The following SLC9A9 variants were observed in gnomAD, a reference collection of about 807,000 sequenced individuals.
SLC9A9 encodes sodium/hydrogen exchanger 9.
SLC9A9 carries 62 observed loss-of-function variants against 77.8 expected under a neutral mutation model. The observed-to-expected ratio is 0.80, with a 90% CI of 0.65 to 0.98. SLC9A9 has a LOEUF of 0.98. Ranked by LOEUF, SLC9A9 falls within the 50% of genes least tolerant of loss-of-function variation. The pLI, the probability that SLC9A9 is intolerant of heterozygous loss-of-function variation, is 0.00. For missense variants in SLC9A9, 775 were observed against 774.9 expected (o/e 1.00, Z 0.00); for synonymous variants, 320 against 283.5 (o/e 1.13, Z -1.29).
intron 11 of SLC9A9, among the ~76,000 whole-genome samples, chr3:143,490,773 G>T (rs919632974): frequency 6.6e-6 from 1 of 152,130 alleles, no homozygotes; most frequent in African/African-American, 2.4e-5. Context: ...CAATGAAAGG[G>T]CTCAGGAAGG....
At chr3:143,382,357 T>C (rs1226085719) in intron 12 of SLC9A9, among the ~76,000 whole-genome samples, 2 of 152,184 alleles carry the variant, frequency 1.3e-5, no homozygotes. Context: ...CTGTCGTTCC[T>C]GGCAAGGTAA....
At chr3:143,552,797 G>A (rs748032092) in intron 8 of SLC9A9, among the ~76,000 whole-genome samples, 80 of 152,262 alleles carry the variant, frequency 5.3e-4, no homozygotes, top group Non-Finnish European at 9.3e-4. Flanking sequence ...TTCATAGCCA[G>A]TGCCAACTAC....
intron 4 of SLC9A9, among the ~76,000 whole-genome samples, chr3:143,762,322 C>T (rs975910190): frequency 2.6e-5 from 4 of 152,162 alleles, no homozygotes; most frequent in Admixed American, 2.6e-4. Flanking sequence ...CACATGTACC[C>T]TAGAACTTAA....
At chr3:143,495,071 C>T (rs1243051117) in intron 10 of SLC9A9, among the ~76,000 whole-genome samples, 2 of 152,068 alleles carry the variant, frequency 1.3e-5, no homozygotes, top group African/African-American at 4.8e-5. Context: ...ATTTTGAATG[C>T]TTGAAAAATA....
intron 14 of SLC9A9, among the ~76,000 whole-genome samples, chr3:143,352,353 C>A (rs78855705): frequency 6.6e-6 from 1 of 152,296 alleles, no homozygotes; most frequent in East Asian, 1.9e-4. Context: ...TGCTTAGCAG[C>A]CTGCATGAGC....
chr3:143,689,251 C>T (rs909405040), intron 5 of SLC9A9, among the ~76,000 whole-genome samples: 4 of 152,036 alleles, frequency 2.6e-5, no homozygotes, highest in African/African-American at 9.7e-5. Flanking sequence ...AGAAATGTCT[C>T]CCAAAGAAAC....
intron 14 of SLC9A9, among the ~76,000 whole-genome samples, chr3:143,302,130 A>G (rs530005315): frequency 2.6e-5 from 4 of 152,310 alleles, no homozygotes; most frequent in East Asian, 3.9e-4. Context: ...ACAGCGGGCC[A>G]GGAATCTTTT....
intron 4 of SLC9A9, among the ~76,000 whole-genome samples, chr3:143,778,141 A>T (rs1020646140): frequency 6.6e-6 from 1 of 151,448 alleles, no homozygotes. Flanking sequence ...GATTTCAATC[A>T]CTGTGTATGT....
intron 13 of SLC9A9, among the ~76,000 whole-genome samples, chr3:143,376,118 A>T (rs2033176028): frequency 6.6e-6 from 1 of 151,786 alleles, no homozygotes; most frequent in African/African-American, 2.4e-5. Flanking sequence ...GTAGGAAAAG[A>T]CCTCCTAGAC....
At chr3:143,334,041 A>G (rs2031854574) in intron 14 of SLC9A9, among the ~76,000 whole-genome samples, 2 of 152,244 alleles carry the variant, frequency 1.3e-5, no homozygotes, top group Admixed American at 1.3e-4. Context: ...ATCTGCTACA[A>G]TTGGTACAAA....
In SLC9A9 at chr3:143,558,085, T is replaced by C. The variant is rs140781735; in HGVS notation, c.1001-5635A>G. Among the ~76,000 whole-genome samples, 283 of 152,332 alleles carry C rather than the reference T, an allele frequency of 1.9e-3. 1 individual carries two copies. The highest frequency in any genetic ancestry group is 6.5e-3 in the African/African-American group (270 of 41,590). ...TGCTCTGTGCAGCCTCAGGACATGG[T>C]GCCCTGTGTCCCAACTGCTTTAGCT... On this transcript the variant is annotated intron_variant, in intron 8 of 15. Coordinates refer to ENST00000316549, the MANE Select transcript of SLC9A9 (RefSeq NM_173653.4).
At chr3:143,299,114 T>C (rs1287093274) in intron 14 of SLC9A9, among the ~76,000 whole-genome samples, 2 of 152,196 alleles carry the variant, frequency 1.3e-5, no homozygotes, top group African/African-American at 4.8e-5. Flanking sequence ...ACATTTTTAC[T>C]GCCCAAGCAG....
chr3:143,328,583 G>T, intron 14 of SLC9A9, among the ~76,000 whole-genome samples: 1 of 152,178 alleles, frequency 6.6e-6, no homozygotes. Flanking sequence ...AAAGCCCAGT[G>T]CAATGCCATC....
chr3:143,327,094 A>G (rs922669809), intron 14 of SLC9A9, among the ~76,000 whole-genome samples: 2 of 149,390 alleles, frequency 1.3e-5, no homozygotes, highest in Admixed American at 6.6e-5. Flanking sequence ...CAGCCAGGAG[A>G]CGGAAACATA....
intron 12 of SLC9A9, among the ~76,000 whole-genome samples, chr3:143,390,409 C>T (rs975581203): frequency 3.3e-5 from 5 of 152,134 alleles, no homozygotes; most frequent in African/African-American, 1.2e-4. Context: ...TTCCACAAAA[C>T]GGAGATAGGA....
At chr3:143,808,769 A>C (rs1177062348) in intron 2 of SLC9A9, among the ~76,000 whole-genome samples, 1 of 152,172 alleles carries the variant, frequency 6.6e-6, no homozygotes, top group Non-Finnish European at 1.5e-5. Flanking sequence ...TTTACAATGG[A>C]CATAATAGTG....
chr3:143,795,072 G>T lies in SLC9A9; in HGVS notation c.462C>A (p.His154Gln). ...AAATAGATCCTAAGTTTTGAAAAAAGTGTCTCTGGGGAGAAAAAAAGATAT... is the reference window on the plus strand; with the variant it reads ...AAATAGATCCTAAGTTTTGAAAAAATTGTCTCTGGGGAGAAAAAAAGATAT... ...FHAGYSLKKR[H>Q]FFQNLGSILT... The change falls in exon 4 of 16, where the codon CAC becomes CAA. Residue 154 changes from histidine (H) to glutamine (Q), a missense_variant. Transcript: ENST00000316549. The T allele has an allele frequency of 6.2e-7, 1 of 1,612,928 alleles. No homozygotes were observed. Among genetic ancestry groups the T allele is most frequent in the Admixed American group, 1.7e-5 (1 of 59,996 alleles).
At chr3:143,329,045 T>A (rs901863123) in intron 14 of SLC9A9, among the ~76,000 whole-genome samples, 14 of 152,176 alleles carry the variant, frequency 9.2e-5, no homozygotes, top group Non-Finnish European at 1.8e-4. Flanking sequence ...TCTAAAAGGG[T>A]ATCAAAGTCA....
intron 5 of SLC9A9, 72 bp downstream of exon 5, chr3:143,693,120 G>T: frequency 8.7e-7 from 1 of 1,146,736 alleles, no homozygotes. Context: ...CGCAGGTGAT[G>T]GTCTTGGGGA....
Sources: gnomAD v4.1 joint callset for allele counts (sites outside exome capture counted in the v4.1 genomes callset) on GRCh38, gnomAD v4.1.1 for gene constraint, MANE v1.5 for transcripts, NCBI Gene and HGNC (gene_info 2026-07-23, HGNC 2026-07-21) for gene names.